ETV3: variants seen among roughly 807,000 people sequenced by gnomAD.
The protein encoded by ETV3 is ETS translocation variant 3.
Under a neutral mutation model 33.0 loss-of-function variants are expected in ETV3, and 8 were observed. The observed-to-expected ratio is 0.24, with a 90% CI of 0.14 to 0.44. The LOEUF is 0.44. Among genes scored for constraint, ETV3 ranks in the 20% least tolerant of loss-of-function variants. ETV3 has a pLI of 1.00. For missense variants in ETV3, 473 were observed against 652.3 expected (o/e 0.73, Z 2.99); for synonymous variants, 222 against 238.9 (o/e 0.93, Z 0.65).
intron 2 of ETV3, 53 bp from the exon 3 acceptor site, chr1:157,135,761 A>G: frequency 6.5e-7 from 1 of 1,544,364 alleles, no homozygotes; most frequent in Middle Eastern, 1.7e-4. Flanking sequence ...GTACATACAT[A>G]CCAGCAACCC....
intron 4 of ETV3, chr1:157,133,652 C>T (rs1327776641): frequency 4.0e-6 from 4 of 989,064 alleles, no homozygotes; most frequent in African/African-American, 3.5e-5. Context: ...TGAACCTCCC[C>T]CTTCTCTGAT....
chr1:157,131,694 A>C (rs776520675), intron 4 of ETV3, among the ~76,000 whole-genome samples: 1 of 152,226 alleles, frequency 6.6e-6, no homozygotes, highest in South Asian at 2.1e-4. Context: ...TCATTTGTAA[A>C]ATGTGGATAT....
At position 157,125,523 on chromosome 1, in the gene ETV3, G is replaced by A; in HGVS notation, c.857C>T (p.Thr286Ile). 6.4e-7 allele frequency: 1 copy of A among 1,552,128 alleles called. No individual in the cohort carries two copies. Among genetic ancestry groups the A allele is most frequent in the Non-Finnish European group, 8.7e-7 (1 of 1,147,086 alleles). Residue 286 changes from threonine (T) to isoleucine (I), a missense_variant, in exon 5 of 5, where the codon ACC becomes ATC. Transcript: ENST00000368192. The surrounding 1 kb of genome is among the most constrained non-coding windows in gnomAD (Gnocchi z 4.0). ...YSPSPGLSPF[T>I]SSSCFSFNPE... ...GTTGAAGGAGAAGCAGCTGCTGCTG[G>A]TGAAAGGGCTCAGGCCTGGTGATGG...
Position 157,131,026 on chromosome 1 carries a change from T to C in ETV3, c.400+3086A>G, listed in dbSNP as rs542303532. On this transcript the variant is annotated intron_variant, in intron 4 of 4. Coordinates refer to ENST00000368192, the MANE Select transcript of ETV3 (RefSeq NM_001145312.3). ...AAAAGATTTAAAAAGTATATATAAA[T>C]AGAAAGAGATAAAGCAAATGTGGCT... Among the ~76,000 whole-genome samples, 134 of 152,246 alleles carry C rather than the reference T, an allele frequency of 8.8e-4. 1 individual carries two copies. The highest frequency in any genetic ancestry group is 1.2e-3 in the Non-Finnish European group (81 of 68,006).
intron 4 of ETV3, chr1:157,128,522 G>A (rs761036149): frequency 7.6e-6 from 2 of 264,548 alleles, no homozygotes; most frequent in Admixed American, 3.7e-5. Flanking sequence ...ATGCCAATAA[G>A]AACAAAGGCA....
At chr1:157,130,586 A>C (rs1166421550) in intron 4 of ETV3, among the ~76,000 whole-genome samples, 3 of 152,186 alleles carry the variant, frequency 2.0e-5, no homozygotes, top group African/African-American at 7.2e-5. Flanking sequence ...AATGGAATTC[A>C]TAAGGTCCTT....
At chr1:157,130,204 T>C (rs1674936917) in intron 4 of ETV3, among the ~76,000 whole-genome samples, 1 of 152,136 alleles carries the variant, frequency 6.6e-6, no homozygotes, top group Admixed American at 6.5e-5. Flanking sequence ...TTTACATACG[T>C]TAAGGTATAC....
intron 4 of ETV3, among the ~76,000 whole-genome samples, chr1:157,131,516 T>C (rs1474705825): frequency 2.0e-5 from 3 of 152,176 alleles, no homozygotes; most frequent in East Asian, 1.9e-4. Flanking sequence ...CCATTATCTG[T>C]TGAACAAATG....
intron 4 of ETV3, among the ~76,000 whole-genome samples, chr1:157,132,591 A>T (rs1674993152): frequency 6.6e-6 from 1 of 152,196 alleles, no homozygotes; most frequent in African/African-American, 2.4e-5. Flanking sequence ...ATACATCTAG[A>T]TTCCCAATTC....
In ETV3 at chr1:157,122,304, C is replaced by T. The variant is rs1674724001; in HGVS notation, c.*2537G>A. Reference sequence around the variant, plus strand: ...ACTTCCACATTCCCTGGCCCACTTCCTGAGCAACCCCAGGTTCGGCTCTGT... The same window carrying T: ...ACTTCCACATTCCCTGGCCCACTTCTTGAGCAACCCCAGGTTCGGCTCTGT... On this transcript the variant is annotated 3_prime_UTR_variant, in exon 5 of 5. Coordinates refer to ENST00000368192, the MANE Select transcript of ETV3 (RefSeq NM_001145312.3). 2 of 152,170 alleles carry T rather than the reference C, an allele frequency of 1.3e-5. No individual in the cohort carries two copies. The highest frequency in any genetic ancestry group is 4.8e-5 in the African/African-American group (2 of 41,430). The allele number at this position is 152,170 out of a possible 1,614,324, so 9.4% of individuals were successfully genotyped here.
rs1674802031 is a variant in ETV3, at chr1:157,125,269, G to C, written c.1111C>G (p.Pro371Ala). The C allele has an allele frequency of 1.3e-6, 2 of 1,552,154 alleles. No individual in the cohort carries two copies. Among genetic ancestry groups the C allele is most frequent in the Non-Finnish European group, 1.7e-6 (2 of 1,147,100 alleles). Residue 371 changes from proline (P) to alanine (A), a missense_variant, in exon 5 of 5, where the codon CCC becomes GCC. Pro to Ala is a conservative substitution (Grantham distance 27). This residue lies in a region of ETV3 where 410 missense variants were observed against 520.2 expected (regional missense o/e 0.79). Coordinates refer to ENST00000368192, the MANE Select transcript of ETV3 (RefSeq NM_001145312.3). This position sits in a 1 kb window ranked among gnomAD's most constrained non-coding sequence, Gnocchi z 4.0. ...CTTGGGGGAATAGAAGCCATGGTGG[G>C]CGTGGTGACTGGTGCTGACTCCTCG... ...SSEESAPVTT[P>A]TMASIPPRIK...
rs1039310925 is a variant in ETV3, at chr1:157,124,296, C to G, written c.*545G>C. The stretch of plus-strand genomic sequence containing the variant: ...GAAAAAGAGCAACATCCAAACATTC[C>G]CCAAGCCCCACCCCAGTAAGTCTGA... On this transcript the variant is annotated 3_prime_UTR_variant, in exon 5 of 5. Coordinates refer to ENST00000368192, the MANE Select transcript of ETV3 (RefSeq NM_001145312.3). 3 of 151,330 alleles carry G rather than the reference C, an allele frequency of 2.0e-5. No homozygotes were observed. Among genetic ancestry groups the G allele is most frequent in the Non-Finnish European group, 4.4e-5 (3 of 67,882 alleles). 9.4% of individuals were successfully genotyped at this position (151,330 alleles called of 1,614,324 possible).
intron 4 of ETV3, among the ~76,000 whole-genome samples, chr1:157,130,680 T>A (rs1051713372): frequency 6.6e-6 from 1 of 152,196 alleles, no homozygotes; most frequent in African/African-American, 2.4e-5. Flanking sequence ...TTTCCTTACC[T>A]GTAAAATAGG....
intron 4 of ETV3, chr1:157,133,247 G>A (rs760618234): frequency 1.4e-5 from 3 of 212,520 alleles, no homozygotes; most frequent in Non-Finnish European, 2.4e-5. Flanking sequence ...TAAATTAAAC[G>A]TTATCACAGA....
In ETV3 at chr1:157,135,603, C is replaced by T. The variant is rs775452231; in HGVS notation, c.152G>A (p.Arg51His). ...TCCCTGCTGCCAGGCGATGACATGG[C>T]GGAACTCTTCCTTCTGCAGCAGCTC... ...ILELLQKEEF[R>H]HVIAWQQGEY... Residue 51 changes from arginine to histidine, a missense_variant, in exon 3 of 5, where the codon CGC becomes CAC. Physicochemically the swap from Arg to His is conservative, Grantham distance 29. Around this residue, in one of 3 missense-constraint regions of ETV3, gnomAD observed 30 missense variants for 94.9 expected, o/e 0.32. Transcript: ENST00000368192. 8.7e-6 allele frequency: 14 copies of T among 1,614,034 alleles called. No homozygotes were observed. Among genetic ancestry groups the T allele is most frequent in the Admixed American group, 5.0e-5 (3 of 60,006 alleles).
chr1:157,125,201 G>C lies in ETV3; in HGVS notation c.1179C>G (p.Leu393=). The C allele has an allele frequency of 6.4e-7, 1 of 1,552,232 alleles. No individual in the cohort carries two copies. ...EPASEKDPES[L]RQSAREKEEH... ...CCTCCTTCTCTCGTGCCGACTGCCT[G>C]AGGCTCTCAGGATCCTTTTCAGAGG... Residue 393 remains leucine, a synonymous_variant, in exon 5 of 5, where the codon CTC becomes CTG. Coordinates refer to ENST00000368192, the MANE Select transcript of ETV3 (RefSeq NM_001145312.3). This position sits in a 1 kb window ranked among gnomAD's most constrained non-coding sequence, Gnocchi z 4.0.
At chr1:157,132,960 T>C (rs1260009432) in intron 4 of ETV3, among the ~76,000 whole-genome samples, 1 of 152,238 alleles carries the variant, frequency 6.6e-6, no homozygotes, top group East Asian at 1.9e-4. Context: ...GAAGTTGTAT[T>C]ACTGCATGAT....
At chr1:157,137,265 C>A (rs963578975) in intron 1 of ETV3, among the ~76,000 whole-genome samples, 1 of 152,040 alleles carries the variant, frequency 6.6e-6, no homozygotes, top group South Asian at 2.1e-4. Flanking sequence ...CCTCGCTGTT[C>A]CCCAGGGTGG....
intron 2 of ETV3, 108 bp downstream of exon 2, chr1:157,136,199 G>A (rs1006320108): frequency 1.9e-6 from 2 of 1,071,498 alleles, no homozygotes; most frequent in Middle Eastern, 2.0e-4. Flanking sequence ...ACCTAGCCAA[G>A]AGAGTGTCAG....
Sources: gnomAD v4.1 joint callset for allele counts (sites outside exome capture counted in the v4.1 genomes callset) on GRCh38, gnomAD v4.1.1 for gene constraint, gnomAD v4.1.1 regional missense constraint, Gnocchi (gnomAD v3.1) non-coding constraint, MANE v1.5 for transcripts, NCBI Gene and HGNC (gene_info 2026-07-23, HGNC 2026-07-21) for gene names.